The following CCDC148 variants were observed in gnomAD, a reference collection of about 807,000 sequenced individuals.
CCDC148 encodes coiled-coil domain-containing protein 148.
A neutral mutation model predicts 85.7 loss-of-function variants in CCDC148; 89 were observed. That is an observed-to-expected ratio of 1.04 (90% CI 0.87 to 1.24). The LOEUF (loss-of-function observed/expected upper bound fraction) is 1.24. CCDC148 is among the 50% of genes most tolerant of loss of function. The probability of loss-of-function intolerance (pLI) is 0.00; values close to 1 mark genes in which losing one functional copy is unlikely to be tolerated. For missense variants in CCDC148, 692 were observed against 671.7 expected (o/e 1.03, Z -0.33); for synonymous variants, 230 against 213.9 (o/e 1.08, Z -0.66).
intron 1 of CCDC148, among the ~76,000 whole-genome samples, chr2:158,422,487 T>A (rs1686848259): frequency 6.6e-6 from 1 of 152,142 alleles, no homozygotes; most frequent in African/African-American, 2.4e-5. Context: ...CAAATCCACA[T>A]GATAATCTCA....
At chr2:158,388,496 T>A (rs895348772) in intron 1 of CCDC148, among the ~76,000 whole-genome samples, 1 of 152,138 alleles carries the variant, frequency 6.6e-6, no homozygotes, top group African/African-American at 2.4e-5. Flanking sequence ...TTTTATTTTA[T>A]CTATTTATTT....
chr2:158,241,031 A>C (rs1407055553), intron 10 of CCDC148, among the ~76,000 whole-genome samples: 1 of 152,162 alleles, frequency 6.6e-6, no homozygotes, highest in Non-Finnish European at 1.5e-5. Flanking sequence ...ATGATACTGG[A>C]ACAGGAAATA....
At position 158,312,590 on chromosome 2, in the gene CCDC148, A is replaced by C. The variant is rs535508291; in HGVS notation, c.903+1166T>G. On this transcript the variant is annotated intron_variant, in intron 8 of 13. Transcript: ENST00000283233. The stretch of plus-strand genomic sequence containing the variant: ...TGAGAATCCATCTCAAAAAAAAAAA[A>C]AAAAAAACCAAAAAACAAAAAAGTA... Among the ~76,000 whole-genome samples, 94 of 149,892 alleles carry C rather than the reference A, an allele frequency of 6.3e-4. 1 individual carries two copies. Among genetic ancestry groups the C allele is most frequent in the Admixed American group, 3.2e-3 (48 of 15,146 alleles).
intron 1 of CCDC148, among the ~76,000 whole-genome samples, chr2:158,379,318 A>G (rs1408996876): frequency 2.0e-5 from 3 of 152,180 alleles, no homozygotes; most frequent in Admixed American, 6.6e-5. Context: ...ATCTCATGAT[A>G]TAACTTGAAC....
At chr2:158,190,551 C>T (rs1304268381) in intron 11 of CCDC148, among the ~76,000 whole-genome samples, 3 of 151,980 alleles carry the variant, frequency 2.0e-5, no homozygotes, top group South Asian at 4.1e-4. Flanking sequence ...TAACAAAAGA[C>T]ATCTGCCATT....
At chr2:158,424,422 A>G (rs1410531066) in intron 1 of CCDC148, among the ~76,000 whole-genome samples, 1 of 152,170 alleles carries the variant, frequency 6.6e-6, no homozygotes, top group African/African-American at 2.4e-5. Context: ...TTGTAGGGAC[A>G]TGGATGAAGC....
At chr2:158,185,467 G>A (rs1216498004) in intron 11 of CCDC148, among the ~76,000 whole-genome samples, 1 of 152,124 alleles carries the variant, frequency 6.6e-6, no homozygotes, top group African/African-American at 2.4e-5. Flanking sequence ...GCAGCTCCAA[G>A]GGTTGGATAT....
At chr2:158,389,367 A>G (rs918759445) in intron 1 of CCDC148, among the ~76,000 whole-genome samples, 4 of 152,250 alleles carry the variant, frequency 2.6e-5, no homozygotes, top group African/African-American at 9.6e-5. Context: ...AATGAAAAAG[A>G]AACAAAACAA....
At chr2:158,453,246 T>C (rs895936802) in intron 1 of CCDC148, among the ~76,000 whole-genome samples, 2 of 152,144 alleles carry the variant, frequency 1.3e-5, no homozygotes, top group South Asian at 4.1e-4. Context: ...ATATAGAGTG[T>C]CAAGGGTCAC....
chr2:158,183,918 A>C (rs1685029066), intron 11 of CCDC148, among the ~76,000 whole-genome samples: 1 of 152,152 alleles, frequency 6.6e-6, no homozygotes, highest in Non-Finnish European at 1.5e-5. Flanking sequence ...GGACCCCTTC[A>C]TTAACTACAG....
At chr2:158,177,879 TCTC>T (rs1684673455) in intron 12 of CCDC148, among the ~76,000 whole-genome samples, 2 of 152,100 alleles carry the variant, frequency 1.3e-5, no homozygotes, top group African/African-American at 2.4e-5. Flanking sequence ...AACCTCGGTG[TCTC>T]CTCTGTTTCC....
At chr2:158,219,543 C>A (rs1451411585) in intron 11 of CCDC148, among the ~76,000 whole-genome samples, 1 of 152,174 alleles carries the variant, frequency 6.6e-6, no homozygotes, top group Non-Finnish European at 1.5e-5. Flanking sequence ...CTGCCAGCAG[C>A]ACATGTAGGG....
At chr2:158,219,197 C>T (rs1687044765) in intron 11 of CCDC148, among the ~76,000 whole-genome samples, 2 of 152,138 alleles carry the variant, frequency 1.3e-5, no homozygotes, top group Admixed American at 6.5e-5. Flanking sequence ...TTTACAGCGA[C>T]TAACTTAGGT....
intron 1 of CCDC148, among the ~76,000 whole-genome samples, chr2:158,368,969 G>C (rs1454690010): frequency 6.6e-6 from 1 of 151,848 alleles, no homozygotes; most frequent in Non-Finnish European, 1.5e-5. Context: ...GAAGGAAAAA[G>C]TCAATTATAT....
chr2:158,386,583 TC>T (rs1233770131), intron 1 of CCDC148, among the ~76,000 whole-genome samples: 1 of 152,174 alleles, frequency 6.6e-6, no homozygotes, highest in East Asian at 1.9e-4. Context: ...ATAATTTTTT[TC>T]CCATCATCTC....
At chr2:158,400,228 CA>C (rs756533164) in intron 1 of CCDC148, among the ~76,000 whole-genome samples, 1 of 151,960 alleles carries the variant, frequency 6.6e-6, no homozygotes, top group Non-Finnish European at 1.5e-5. Context: ...CATATGAAAC[CA>C]AAAAAGAGCC....
At chr2:158,336,749 C>T (rs1282821524) in intron 7 of CCDC148, among the ~76,000 whole-genome samples, 1 of 152,094 alleles carries the variant, frequency 6.6e-6, no homozygotes, top group Non-Finnish European at 1.5e-5. Context: ...TCAAATTCAA[C>T]TCAATTGAAC....
intron 1 of CCDC148, chr2:158,380,846 G>A (rs1437753829): frequency 3.3e-5 from 5 of 152,108 alleles, no homozygotes; most frequent in Admixed American, 2.0e-4. Context: ...ATGAAGAAGT[G>A]AGTCATACTG....
intron 2 of CCDC148, among the ~76,000 whole-genome samples, chr2:158,352,874 T>A (rs896903656): frequency 2.0e-5 from 3 of 151,978 alleles, no homozygotes; most frequent in Middle Eastern, 3.2e-3. Flanking sequence ...TAGCAGCGGA[T>A]CTCTTGGCAG....
Sources: allele counts gnomAD v4.1 joint callset (sites outside exome capture counted in the v4.1 genomes callset), GRCh38; gene constraint gnomAD v4.1.1; transcripts MANE v1.5; gene names NCBI Gene and HGNC (gene_info 2026-07-23, HGNC 2026-07-21).